SORCS1: variants seen among roughly 807,000 people sequenced by gnomAD.
SORCS1 encodes the protein sortilin related VPS10 domain containing receptor 1.
In SORCS1, 60 loss-of-function variants were observed where a neutral mutation model predicts 146.1. That is an observed-to-expected ratio of 0.41 (90% CI 0.33 to 0.51). SORCS1 has a LOEUF of 0.51. Among genes scored for constraint, SORCS1 ranks in the 20% least tolerant of loss-of-function variants. The probability of loss-of-function intolerance (pLI) is 0.21; values close to 1 mark genes in which losing one functional copy is unlikely to be tolerated. For missense variants in SORCS1, 1,352 were observed against 1,487.6 expected (o/e 0.91, Z 1.50); for synonymous variants, 637 against 584.0 (o/e 1.09, Z -1.31).
At chr10:107,176,492 C>T in the SORCS1 span, among the ~76,000 whole-genome samples, 2 of 151,886 alleles carry the variant, frequency 1.3e-5, no homozygotes, top group Admixed American at 6.6e-5. Context: ...GGCACTACTA[C>T]GCCTGGCTAA....
intron 5 of SORCS1, among the ~76,000 whole-genome samples, chr10:106,730,505 T>C (rs1033965380): frequency 3.3e-5 from 5 of 152,166 alleles, no homozygotes; most frequent in Non-Finnish European, 7.4e-5. Flanking sequence ...CATAGCACAC[T>C]GATCTAATTA....
chr10:106,599,602 G>GA (rs1189838845), intron 23 of SORCS1, among the ~76,000 whole-genome samples: 30 of 151,916 alleles, frequency 2.0e-4, no homozygotes, highest in Non-Finnish European at 2.2e-4. Flanking sequence ...CAGAATTTCA[G>GA]AAAAAATATT....
chr10:106,904,728 G>T (rs1310410901), intron 2 of SORCS1, among the ~76,000 whole-genome samples: 1 of 152,142 alleles, frequency 6.6e-6, no homozygotes, highest in Admixed American at 6.5e-5. Flanking sequence ...CCCACAAATG[G>T]ATCCAACTGA....
intron 1 of SORCS1, among the ~76,000 whole-genome samples, chr10:107,015,868 T>A (rs530191689): frequency 1.4e-4 from 22 of 152,332 alleles, no homozygotes; most frequent in Admixed American, 7.8e-4. Flanking sequence ...AAGAACTACA[T>A]ATTGGGTATA....
the SORCS1 span, among the ~76,000 whole-genome samples, chr10:107,172,181 A>G: frequency 4.6e-5 from 7 of 152,122 alleles, no homozygotes; most frequent in African/African-American, 9.7e-5. Context: ...CATCCAACTC[A>G]CTGATACTTC....
At chr10:106,865,533 G>A (rs1186167682) in intron 2 of SORCS1, among the ~76,000 whole-genome samples, 2 of 152,008 alleles carry the variant, frequency 1.3e-5, no homozygotes, top group African/African-American at 4.8e-5. Context: ...AGACCTGCCT[G>A]GGGAACATGG....
At chr10:106,689,121 C>T (rs1385907851) in intron 9 of SORCS1, among the ~76,000 whole-genome samples, 1 of 152,188 alleles carries the variant, frequency 6.6e-6, no homozygotes, top group African/African-American at 2.4e-5. Context: ...TTGTTCTCAG[C>T]CTAAACAGAT....
Position 106,812,303 on chromosome 10 carries a change from AGTTTT to A in SORCS1, c.726+17266_726+17270del, listed in dbSNP as rs1185712625. On this transcript the variant is annotated intron_variant, in intron 3 of 25. Transcript: ENST00000263054. ...GTGTGAGCCACTGCACCCAGCCTGG[AGTTTT>A]GTTTTGTTTCTGAATCTACTACCAC... 2.0e-5 allele frequency among the ~76,000 whole-genome samples: 3 copies of A among 152,004 alleles called. No homozygotes were observed. The South Asian group carries it at 6.2e-4, about 31-fold the overall frequency.
At chr10:107,127,800 G>A (rs1357226027) in intron 1 of SORCS1, among the ~76,000 whole-genome samples, 1 of 152,158 alleles carries the variant, frequency 6.6e-6, no homozygotes, top group Non-Finnish European at 1.5e-5. Context: ...CTCTGAATGT[G>A]AGGCAAACTG....
intron 3 of SORCS1, among the ~76,000 whole-genome samples, chr10:106,811,311 C>T (rs1015556633): frequency 2.0e-5 from 3 of 152,166 alleles, no homozygotes; most frequent in African/African-American, 7.2e-5. Context: ...CCTTGCATCA[C>T]CAACACCAAG....
chr10:106,676,729 G>T (rs537209186), intron 13 of SORCS1, among the ~76,000 whole-genome samples: 1 of 152,198 alleles, frequency 6.6e-6, no homozygotes, highest in Non-Finnish European at 1.5e-5. Context: ...CCATAGAACT[G>T]ATGTTTATGG....
At position 106,878,646 on chromosome 10, in the gene SORCS1, A is replaced by ATATATATATATATATATATATATATATT. The variant is rs1200849744; in HGVS notation, c.627-48974_627-48973insAATATATATATATATATATATATATATA. ...TATATATATATATATATATATATAT[A>ATATATATATATATATATATATATATATT]TATTTTATAGCAGCCTGAATGGACT... On this transcript the variant is annotated intron_variant, in intron 2 of 25. Transcript: ENST00000263054. Among the ~76,000 whole-genome samples, 245 of 117,784 alleles carry ATATATATATATATATATATATATATATT rather than the reference A, an allele frequency of 2.1e-3. 15 individuals are homozygous for ATATATATATATATATATATATATATATT. The highest frequency in any genetic ancestry group is 3.4e-3 in the Non-Finnish European group (182 of 53,338). 77.3% of individuals were successfully genotyped at this position (117,784 alleles called of 152,430 possible). A position where few individuals can be genotyped will look rare whatever the true frequency, so the allele number is the denominator to read the frequency against.
intron 1 of SORCS1, among the ~76,000 whole-genome samples, chr10:106,990,877 CTTTTA>C (rs1324766912): frequency 2.6e-5 from 4 of 151,214 alleles, no homozygotes; most frequent in African/African-American, 9.8e-5. Flanking sequence ...ATAAATACTT[CTTTTA>C]TTTGAGGCAC....
chr10:107,179,490 GAA>G, the SORCS1 span, among the ~76,000 whole-genome samples: 16 of 152,088 alleles, frequency 1.1e-4, no homozygotes, highest in Non-Finnish European at 2.1e-4. Flanking sequence ...AACCTCTTGA[GAA>G]TGGCATTTTT....
chr10:107,038,886 C>A (rs1959036171), intron 1 of SORCS1, among the ~76,000 whole-genome samples: 1 of 151,886 alleles, frequency 6.6e-6, no homozygotes, highest in Non-Finnish European at 1.5e-5. Context: ...ATCCTGAATG[C>A]TAATAAAAAT....
At chr10:106,995,478 G>T (rs1367229036) in intron 1 of SORCS1, among the ~76,000 whole-genome samples, 1 of 152,154 alleles carries the variant, frequency 6.6e-6, no homozygotes, top group Non-Finnish European at 1.5e-5. Context: ...CTCTGGCATG[G>T]ATTATCAAAG....
At position 107,083,466 on chromosome 10, in the gene SORCS1, A is replaced by G. The variant is rs74333748; in HGVS notation, c.558+80503T>C. ...ATTATTATTCCAATCCCATTTTACT[A>G]AACATGTTTTTAAGTTAAAACCCTT... is the stretch of plus-strand genomic sequence containing the variant. On this transcript the variant is annotated intron_variant, in intron 1 of 25. Coordinates refer to ENST00000263054, the MANE Select transcript of SORCS1 (RefSeq NM_052918.5). 7.2e-4 allele frequency among the ~76,000 whole-genome samples: 109 copies of G among 152,266 alleles called. 1 individual carries two copies. Among genetic ancestry groups the G allele is most frequent in the African/African-American group, 2.4e-3 (101 of 41,558 alleles).
the SORCS1 span, among the ~76,000 whole-genome samples, chr10:107,174,163 A>AT: frequency 6.6e-6 from 1 of 152,224 alleles, no homozygotes; most frequent in East Asian, 1.9e-4. Flanking sequence ...TCTCTTAGCA[A>AT]TATTTGTTAG....
chr10:106,986,237 A>G (rs1956463392), intron 1 of SORCS1, among the ~76,000 whole-genome samples: 2 of 152,188 alleles, frequency 1.3e-5, no homozygotes. Context: ...GTATATTCAT[A>G]TATGTATAAC....
Sources: gnomAD v4.1 joint callset for allele counts (sites outside exome capture counted in the v4.1 genomes callset) on GRCh38, gnomAD v4.1.1 for gene constraint, MANE v1.5 for transcripts, NCBI Gene and HGNC (gene_info 2026-07-23, HGNC 2026-07-21) for gene names.